The following ZFAND3 variants were observed in gnomAD, a reference collection of about 807,000 sequenced individuals.
ZFAND3 encodes the protein AN1-type zinc finger protein 3.
ZFAND3 carries 10 observed loss-of-function variants against 29.6 expected under a neutral mutation model. The ratio of observed to expected loss-of-function variants is 0.34; its 90% CI spans 0.21 to 0.57. The LOEUF is 0.57. ZFAND3 is among the 20% of genes least tolerant of loss of function. The probability of loss-of-function intolerance (pLI) is 0.86; values close to 1 mark genes in which losing one functional copy is unlikely to be tolerated. For synonymous variants in ZFAND3, 128 were observed against 112.6 expected (o/e 1.14, Z -0.87); for missense variants, 230 against 304.5 (o/e 0.76, Z 1.82).
At chr6:37,968,014 G>C (rs1762322406) in intron 2 of ZFAND3, among the ~76,000 whole-genome samples, 1 of 152,128 alleles carries the variant, frequency 6.6e-6, no homozygotes, top group Admixed American at 6.5e-5. Context: ...TTGCCCTGCT[G>C]GTAGGAGAGC....
chr6:37,888,650 A>C (rs1429146708), intron 1 of ZFAND3, among the ~76,000 whole-genome samples: 1 of 152,088 alleles, frequency 6.6e-6, no homozygotes, highest in Non-Finnish European at 1.5e-5. Context: ...TTTTTGTTTA[A>C]TTTCCCTGGA....
intron 2 of ZFAND3, among the ~76,000 whole-genome samples, chr6:37,993,839 TA>T (rs1485503439): frequency 1.3e-5 from 2 of 152,234 alleles, no homozygotes; most frequent in African/African-American, 4.8e-5. Flanking sequence ...GTACTTACAT[TA>T]TACAACACAG....
intron 1 of ZFAND3, among the ~76,000 whole-genome samples, chr6:37,857,045 C>T (rs1764396740): frequency 6.6e-6 from 1 of 151,944 alleles, no homozygotes; most frequent in African/African-American, 2.4e-5. Flanking sequence ...TGGGCTCAAG[C>T]AATCCTCCCA....
In ZFAND3 at chr6:38,128,018, G is replaced by A. The variant is rs1005771537; in HGVS notation, c.529+11279G>A. On this transcript the variant is annotated intron_variant, in intron 5 of 5. Coordinates refer to ENST00000287218, the MANE Select transcript of ZFAND3 (RefSeq NM_021943.3). The stretch of plus-strand genomic sequence containing the variant: ...CACCAGACTCTCTTAACTTCTTCTT[G>A]TTAGTTCAGCCTCTAAAACCTTGCC... 7.2e-5 allele frequency among the ~76,000 whole-genome samples: 11 copies of A among 152,232 alleles called. 1 individual carries two copies. Among genetic ancestry groups the A allele is most frequent in the Admixed American group, 3.3e-4 (5 of 15,296 alleles).
At chr6:37,841,587 C>A (rs1470597609) in intron 1 of ZFAND3, among the ~76,000 whole-genome samples, 3 of 152,162 alleles carry the variant, frequency 2.0e-5, no homozygotes, top group African/African-American at 7.2e-5. Context: ...GGGTTCACGC[C>A]ATTCCCCTGC....
intron 2 of ZFAND3, among the ~76,000 whole-genome samples, chr6:37,950,735 T>C (rs2127420565): frequency 6.6e-6 from 1 of 152,312 alleles, no homozygotes; most frequent in Admixed American, 6.5e-5. Flanking sequence ...CTCTAACCTG[T>C]TCCGTTGGTC....
At chr6:37,981,442 G>A (rs532787202) in intron 2 of ZFAND3, among the ~76,000 whole-genome samples, 7 of 152,222 alleles carry the variant, frequency 4.6e-5, no homozygotes, top group African/African-American at 1.7e-4. Context: ...TTGAAGCCAG[G>A]ATCATCAGCT....
At chr6:37,860,546 T>C (rs1161653160) in intron 1 of ZFAND3, among the ~76,000 whole-genome samples, 1 of 151,962 alleles carries the variant, frequency 6.6e-6, no homozygotes, top group Non-Finnish European at 1.5e-5. Context: ...TTATAGGGGG[T>C]ATCATTTTGA....
intron 2 of ZFAND3, among the ~76,000 whole-genome samples, chr6:38,034,188 A>T (rs1473028414): frequency 1.3e-5 from 2 of 152,174 alleles, no homozygotes; most frequent in African/African-American, 2.4e-5. Context: ...TTGCATCTAC[A>T]GTGTTTTTAT....
At chr6:38,060,508 C>T (rs1764213950) in intron 2 of ZFAND3, among the ~76,000 whole-genome samples, 2 of 151,124 alleles carry the variant, frequency 1.3e-5, no homozygotes, top group Admixed American at 6.6e-5. Flanking sequence ...CTCCCTTCCC[C>T]TTGCCCTGCC....
At chr6:38,016,347 A>G (rs1219286588) in intron 2 of ZFAND3, among the ~76,000 whole-genome samples, 3 of 152,236 alleles carry the variant, frequency 2.0e-5, no homozygotes, top group African/African-American at 7.2e-5. Context: ...TCAAAGAACC[A>G]TACTTCAGAG....
intron 2 of ZFAND3, among the ~76,000 whole-genome samples, chr6:37,935,186 G>A (rs72850806): frequency 0.066 from 9,970 of 152,174 alleles, 399 homozygotes; most frequent in Non-Finnish European, 0.094. Flanking sequence ...TTTTGAAGTT[G>A]TGGAGACTTT....
intron 1 of ZFAND3, among the ~76,000 whole-genome samples, chr6:37,897,871 AAAAT>A (rs766359461): frequency 6.6e-6 from 1 of 152,196 alleles, no homozygotes; most frequent in Non-Finnish European, 1.5e-5. Flanking sequence ...AAAAACACAC[AAAAT>A]AAATAAATTG....
At chr6:38,106,478 A>G (rs1046955938) in intron 4 of ZFAND3, among the ~76,000 whole-genome samples, 1 of 152,216 alleles carries the variant, frequency 6.6e-6, no homozygotes, top group Admixed American at 6.5e-5. Context: ...CGGCAGGCCT[A>G]TGAGAAAAGA....
At chr6:37,821,004 C>A (rs1017136673) in intron 1 of ZFAND3, among the ~76,000 whole-genome samples, 2 of 152,126 alleles carry the variant, frequency 1.3e-5, no homozygotes, top group South Asian at 2.1e-4. Context: ...GATTTGAGTC[C>A]CTTTTCTCTT....
intron 1 of ZFAND3, among the ~76,000 whole-genome samples, chr6:37,836,948 T>C (rs1435693326): frequency 6.6e-6 from 1 of 152,214 alleles, no homozygotes; most frequent in Non-Finnish European, 1.5e-5. Flanking sequence ...TTATTTAGTC[T>C]GGACTTCGAT....
intron 5 of ZFAND3, among the ~76,000 whole-genome samples, chr6:38,144,184 A>ATATT (rs66561715): frequency 9.4e-5 from 4 of 42,556 alleles, no homozygotes; most frequent in South Asian, 5.0e-4. Context: ...ATATATATAT[A>ATATT]ATATATATAT....
In ZFAND3 at chr6:37,955,149, T is replaced by TTGTGTGTGTGTGTG. The variant is rs3047089; in HGVS notation, c.112+25160_112+25173dup. Among the ~76,000 whole-genome samples the TTGTGTGTGTGTGTG allele has an allele frequency of 5.0e-3, 744 of 148,944 alleles. 6 individuals are homozygous for TTGTGTGTGTGTGTG. Among genetic ancestry groups the TTGTGTGTGTGTGTG allele is most frequent in the Non-Finnish European group, 6.4e-3 (427 of 66,852 alleles). On this transcript the variant is annotated intron_variant, in intron 2 of 5. Transcript: ENST00000287218. ...TCAGCTCTGCCTCTTCAACCAATTT[T>TTGTGTGTGTGTGTG]TGTGTGTGTGTGTGTGTGTGTGTCT...
chr6:37,988,104 C>G lies in ZFAND3; in HGVS notation c.112+58105C>G, dbSNP rs527315867. 3.3e-5 allele frequency among the ~76,000 whole-genome samples: 5 copies of G among 152,190 alleles called. No homozygotes were observed. In the South Asian group the frequency reaches 1.0e-3, roughly 32 times the overall value. ...TTTTAAAAAAAGTTTTTAATGCTTCCTTAGAAGAAAATATTAATTTTGCCA... is the reference window on the plus strand; with the variant it reads ...TTTTAAAAAAAGTTTTTAATGCTTCGTTAGAAGAAAATATTAATTTTGCCA... On this transcript the variant is annotated intron_variant, in intron 2 of 5. Coordinates refer to ENST00000287218, the MANE Select transcript of ZFAND3 (RefSeq NM_021943.3).
Sources: gnomAD v4.1 joint callset for allele counts (sites outside exome capture counted in the v4.1 genomes callset) on GRCh38, gnomAD v4.1.1 for gene constraint, MANE v1.5 for transcripts, NCBI Gene and HGNC (gene_info 2026-07-23, HGNC 2026-07-21) for gene names.